The following AHCYL2 variants were observed in gnomAD, a reference collection of about 807,000 sequenced individuals.
AHCYL2 encodes adenosylhomocysteinase like 2.
A neutral mutation model predicts 81.4 loss-of-function variants in AHCYL2; 28 were observed. The ratio of observed to expected loss-of-function variants is 0.34; its 90% confidence interval spans 0.25 to 0.47. The LOEUF (loss-of-function observed/expected upper bound fraction) is 0.47, where lower values mean the gene tolerates loss of function less well. Among genes scored for constraint, AHCYL2 ranks in the 20% least tolerant of loss-of-function variants. The pLI, the probability that AHCYL2 is intolerant of heterozygous loss-of-function variation, is 1.00. For synonymous variants in AHCYL2, 272 were observed against 290.2 expected (o/e 0.94, Z 0.64); for missense variants, 551 against 785.1 (o/e 0.70, Z 3.56).
intron 1 of AHCYL2, among the ~76,000 whole-genome samples, chr7:129,234,133 C>T (rs1794549708): frequency 6.6e-6 from 1 of 152,268 alleles, no homozygotes; most frequent in East Asian, 1.9e-4. Flanking sequence ...TCATTGCACC[C>T]TCAACCTCCT....
At chr7:129,243,810 G>T (rs1794950254) in intron 1 of AHCYL2, among the ~76,000 whole-genome samples, 1 of 151,872 alleles carries the variant, frequency 6.6e-6, no homozygotes, top group Non-Finnish European at 1.5e-5. Context: ...AGCCAGGATG[G>T]TCTCGATCTC....
At chr7:129,372,315 T>C (rs1196766404) in intron 1 of AHCYL2, among the ~76,000 whole-genome samples, 2 of 152,204 alleles carry the variant, frequency 1.3e-5, no homozygotes, top group Non-Finnish European at 2.9e-5. Flanking sequence ...AGATACATCC[T>C]TTGTAGTATT....
rs573496370 is a variant in AHCYL2 at position 129,343,812 on chromosome 7, A to T, written c.364-35826A>T. ...AAATGTTTTGATAGAGTTCTCCAAA[A>T]TTAGAAACTTCTATTCAAAAGACAC... is the stretch of plus-strand genomic sequence containing the variant. On this transcript the variant is annotated intron_variant, in intron 1 of 16. Transcript: ENST00000325006. Among the ~76,000 whole-genome samples, 54 of 152,298 alleles carry T rather than the reference A, an allele frequency of 3.5e-4. 2 individuals are homozygous for T. In the South Asian group the frequency reaches 0.011, roughly 31 times the overall value.
At chr7:129,330,815 T>C (rs1434981658) in intron 1 of AHCYL2, among the ~76,000 whole-genome samples, 1 of 152,196 alleles carries the variant, frequency 6.6e-6, no homozygotes, top group Non-Finnish European at 1.5e-5. Flanking sequence ...AGTAGGATGG[T>C]GTATGACCAT....
chr7:129,287,463 A>T (rs969662270), intron 1 of AHCYL2, among the ~76,000 whole-genome samples: 1 of 152,230 alleles, frequency 6.6e-6, no homozygotes, highest in African/African-American at 2.4e-5. Context: ...TGGGTGGTAT[A>T]GCTGAAAACT....
At position 129,406,104 on chromosome 7, in the gene AHCYL2, C is replaced by G. The variant is rs1368821044; in HGVS notation, c.1206+205C>G. Among the ~76,000 whole-genome samples, 1 of 152,192 alleles carries G rather than the reference C, an allele frequency of 6.6e-6. No homozygotes were observed. Among genetic ancestry groups the G allele is most frequent in the African/African-American group, 2.4e-5 (1 of 41,436 alleles). On this transcript the variant is annotated intron_variant, in intron 9 of 16. Coordinates refer to ENST00000325006, the MANE Select transcript of AHCYL2 (RefSeq NM_015328.4). The surrounding 1 kb of genome is among the most constrained non-coding windows in gnomAD (Gnocchi z 4.3). Reference sequence around the variant, plus strand: ...CCTTAAGTTGATTTTCTGACTTGCTCCAGTACCACCGTTTGTGATGTTCTT... The same window carrying G: ...CCTTAAGTTGATTTTCTGACTTGCTGCAGTACCACCGTTTGTGATGTTCTT...
At chr7:129,317,400 A>G (rs977661088) in intron 1 of AHCYL2, among the ~76,000 whole-genome samples, 2 of 152,170 alleles carry the variant, frequency 1.3e-5, no homozygotes, top group South Asian at 2.1e-4. Context: ...ACCACAAACA[A>G]TCAATTGGGA....
At chr7:129,272,865 CTT>C (rs1449409958) in intron 1 of AHCYL2, among the ~76,000 whole-genome samples, 3 of 152,010 alleles carry the variant, frequency 2.0e-5, no homozygotes, top group Admixed American at 6.6e-5. Context: ...GAAAATAAAA[CTT>C]TTTCTCATCT....
At chr7:129,338,150 G>A (rs777346608) in intron 1 of AHCYL2, among the ~76,000 whole-genome samples, 1 of 152,040 alleles carries the variant, frequency 6.6e-6, no homozygotes, top group African/African-American at 2.4e-5. Flanking sequence ...CTGATTCCAA[G>A]GATGTATGCA....
At chr7:129,348,913 G>A (rs183561972) in intron 1 of AHCYL2, among the ~76,000 whole-genome samples, 19 of 152,288 alleles carry the variant, frequency 1.2e-4, no homozygotes, top group African/African-American at 4.3e-4. Context: ...CTAAGGAAGG[G>A]AAGGTCCCAT....
intron 12 of AHCYL2, among the ~76,000 whole-genome samples, chr7:129,416,428 AAAG>A (rs1438958846): frequency 3.9e-5 from 6 of 152,212 alleles, no homozygotes; most frequent in African/African-American, 1.4e-4. Flanking sequence ...ACCACAGAAA[AAAG>A]AAAAAGTAGA....
chr7:129,343,791 G>A (rs1364031674), intron 1 of AHCYL2, among the ~76,000 whole-genome samples: 1 of 152,148 alleles, frequency 6.6e-6, no homozygotes, highest in Non-Finnish European at 1.5e-5. Flanking sequence ...AAAAGAAAAT[G>A]TTTTGATAGA....
Position 129,429,350 on chromosome 7 carries a change from C to T in AHCYL2, c.*2305C>T, listed in dbSNP as rs1797489018. The T allele has an allele frequency of 6.6e-6, 1 of 152,204 alleles. No homozygotes were observed. Among genetic ancestry groups the T allele is most frequent in the Non-Finnish European group, 1.5e-5 (1 of 68,036 alleles). 9.4% of individuals were successfully genotyped at this position (152,204 alleles called of 1,614,324 possible). A position where few individuals can be genotyped will look rare whatever the true frequency, so the allele number is the denominator to read the frequency against. Reference sequence around the variant, plus strand: ...GGTTGAAATCTGGTCATTATTCCCTCTACCCTTGGAATCAGAGCAATGTGT... The same window carrying T: ...GGTTGAAATCTGGTCATTATTCCCTTTACCCTTGGAATCAGAGCAATGTGT... On this transcript the variant is annotated 3_prime_UTR_variant, in exon 17 of 17. Transcript: ENST00000325006.
chr7:129,255,632 G>A (rs1281976248), intron 1 of AHCYL2, among the ~76,000 whole-genome samples: 4 of 152,242 alleles, frequency 2.6e-5, no homozygotes, highest in Non-Finnish European at 4.4e-5. Flanking sequence ...TTAGGGTTAA[G>A]ACAATTCATT....
At chr7:129,389,291 G>A (rs761633540) in intron 3 of AHCYL2, 92 bp downstream of exon 3, 63 of 1,473,202 alleles carry the variant, frequency 4.3e-5, no homozygotes, top group Non-Finnish European at 5.7e-5. Flanking sequence ...GGTAGCTTGT[G>A]AAATTTCTAT....
At chr7:129,243,983 AT>A (rs1374621642) in intron 1 of AHCYL2, among the ~76,000 whole-genome samples, 1 of 150,452 alleles carries the variant, frequency 6.6e-6, no homozygotes, top group Non-Finnish European at 1.5e-5. Context: ...TTTATTTATT[AT>A]TTTTTTCTTT....
At chr7:129,389,876 G>A (rs1795384767) in intron 4 of AHCYL2, 142 bp downstream of exon 4, 1 of 603,022 alleles carries the variant, frequency 1.7e-6, no homozygotes, top group East Asian at 3.1e-5. Context: ...TATAAAGCAG[G>A]TATTCTTGTT....
chr7:129,380,273 C>CGAG (rs1399119802), intron 2 of AHCYL2, among the ~76,000 whole-genome samples: 1 of 152,206 alleles, frequency 6.6e-6, no homozygotes, highest in Non-Finnish European at 1.5e-5. Context: ...CTGGCATTAA[C>CGAG]TCAGATACAT....
chr7:129,250,095 G>A (rs2150701791), intron 1 of AHCYL2, among the ~76,000 whole-genome samples: 1 of 152,272 alleles, frequency 6.6e-6, no homozygotes, highest in South Asian at 2.1e-4. Flanking sequence ...TGAGGCCAGA[G>A]GTTGAGACTA....
Sources: allele counts gnomAD v4.1 joint callset (sites outside exome capture counted in the v4.1 genomes callset), GRCh38; gene constraint gnomAD v4.1.1; non-coding constraint Gnocchi (gnomAD v3.1); transcripts MANE v1.5; gene names NCBI Gene and HGNC (gene_info 2026-07-23, HGNC 2026-07-21).